The following LRTM1 variants were observed in gnomAD, a reference collection of about 807,000 sequenced individuals.
LRTM1 encodes leucine rich repeat transmembrane protein 1, also known as leucine-rich repeat and transmembrane domain-containing protein 1.
LRTM1 carries 38 observed loss-of-function variants against 32.4 expected under a neutral mutation model. The observed-to-expected ratio is 1.17, with a 90% confidence interval of 0.91 to 1.54. The LOEUF (loss-of-function observed/expected upper bound fraction) is 1.54. LRTM1 is among the 40% of genes most tolerant of loss of function. LRTM1 has a pLI of 0.00. For missense variants in LRTM1, 466 were observed against 415.4 expected, an observed-to-expected ratio of 1.12 and a Z score of -1.06; for synonymous variants, 186 against 169.9, an observed-to-expected ratio of 1.09 and a Z score of -0.74.
At chr3:54,921,477 AT>A (rs1488539462) in intron 2 of LRTM1, among the ~76,000 whole-genome samples, 2 of 152,162 alleles carry the variant, frequency 1.3e-5, no homozygotes, top group Non-Finnish European at 2.9e-5. Flanking sequence ...CTGTGTGCAT[AT>A]TTCTTTGGAG....
At chr3:54,919,102 A>G (rs565291830) in intron 2 of LRTM1, among the ~76,000 whole-genome samples, 35 of 152,256 alleles carry the variant, frequency 2.3e-4, no homozygotes, top group African/African-American at 7.2e-4. Flanking sequence ...TAAATTGGCA[A>G]TTACTTATGA....
Position 54,924,950 on chromosome 3 carries a change from A to G in LRTM1, c.273T>C (p.Pro91=), listed in dbSNP as rs370645097. 1 of 1,611,558 alleles carries G rather than the reference A, an allele frequency of 6.2e-7. No individual in the cohort carries two copies. Residue 91 remains proline, a synonymous_variant, in exon 2 of 3, where the codon CCT becomes CCC. Coordinates refer to ENST00000273286, the MANE Select transcript of LRTM1 (RefSeq NM_020678.4). ...LSNNSLSNLA[P]GAFHGLQHLQ... ...AGTGCTGAAGCCCATGGAAAGCTCC[A>G]GGGGCCAGATTTGAAAGGGAATTGT...
chr3:54,937,501 C>T (rs1186460494), intron 1 of LRTM1, among the ~76,000 whole-genome samples: 1 of 152,146 alleles, frequency 6.6e-6, no homozygotes, highest in Non-Finnish European at 1.5e-5. Flanking sequence ...TATGTATTTT[C>T]CAATCTGTGT....
intron 1 of LRTM1, among the ~76,000 whole-genome samples, chr3:54,964,201 C>T (rs139903675): frequency 1.6e-3 from 239 of 152,178 alleles, no homozygotes; most frequent in Middle Eastern, 3.4e-3. Context: ...TTTTCTGGAT[C>T]GGTTGTGTTC....
In LRTM1 at chr3:54,924,606, A is replaced by G. The variant is rs1033798949; in HGVS notation, c.604+13T>C. ...AACACACAGATGGGGGGTTCCAAAT[A>G]GACATGACTGACCTTTATAGACAAA... On this transcript the variant is annotated intron_variant, in intron 2 of 2. Coordinates refer to ENST00000273286, the MANE Select transcript of LRTM1 (RefSeq NM_020678.4). 1.3e-6 allele frequency: 2 copies of G among 1,597,758 alleles called. No individual in the cohort carries two copies. The highest frequency in any genetic ancestry group is 1.7e-6 in the Non-Finnish European group (2 of 1,166,218).
chr3:54,958,467 A>G (rs1375527515), intron 1 of LRTM1, among the ~76,000 whole-genome samples: 1 of 152,236 alleles, frequency 6.6e-6, no homozygotes, highest in Non-Finnish European at 1.5e-5. Flanking sequence ...CAACCTTGAT[A>G]GTCTTAGAAG....
chr3:54,945,018 C>G (rs976222909), intron 1 of LRTM1, among the ~76,000 whole-genome samples: 2 of 152,138 alleles, frequency 1.3e-5, no homozygotes, highest in Non-Finnish European at 2.9e-5. Flanking sequence ...TCAATGAAAA[C>G]TTAGCCAAAC....
chr3:54,959,367 G>A (rs1295415880), intron 1 of LRTM1, among the ~76,000 whole-genome samples: 2 of 152,168 alleles, frequency 1.3e-5, no homozygotes, highest in Non-Finnish European at 2.9e-5. Flanking sequence ...TGCCATCTCC[G>A]TGCCCTGTAA....
At chr3:54,925,324 CT>C (rs1700984215) in intron 1 of LRTM1, 109 bp from the exon 2 acceptor site, 6 of 848,654 alleles carry the variant, frequency 7.1e-6, no homozygotes, top group Non-Finnish European at 1.1e-5. Context: ...CAGGTGAAAC[CT>C]TCTACAACCT....
At chr3:54,956,043 G>A (rs556402586) in intron 1 of LRTM1, among the ~76,000 whole-genome samples, 4 of 152,270 alleles carry the variant, frequency 2.6e-5, no homozygotes, top group Admixed American at 2.0e-4. Flanking sequence ...AGTGCCGTCC[G>A]CCCCTCCTTA....
intron 2 of LRTM1, among the ~76,000 whole-genome samples, chr3:54,923,999 T>C (rs1217073426): frequency 6.6e-6 from 1 of 152,238 alleles, no homozygotes; most frequent in Non-Finnish European, 1.5e-5. Context: ...GCTGTGGCCC[T>C]GGGGCTGTAG....
At chr3:54,925,651 C>T (rs1245192098) in intron 1 of LRTM1, among the ~76,000 whole-genome samples, 1 of 152,204 alleles carries the variant, frequency 6.6e-6, no homozygotes, top group Non-Finnish European at 1.5e-5. Context: ...CTGTCTAATA[C>T]AACTTTCTGT....
At chr3:54,929,117 G>C (rs1701113970), upstream of LRTM1, among the ~76,000 whole-genome samples, 1 of 152,276 alleles carries the variant, frequency 6.6e-6, no homozygotes, top group East Asian at 1.9e-4. Context: ...TCTGGAATCA[G>C]GTGGGTCCAG....
chr3:54,933,035 C>G (rs1701231582), upstream of LRTM1, among the ~76,000 whole-genome samples: 1 of 135,954 alleles, frequency 7.4e-6, no homozygotes, highest in African/African-American at 3.6e-5. Context: ...ATATTGTCTT[C>G]CATCCATCCA....
intron 1 of LRTM1, among the ~76,000 whole-genome samples, chr3:54,966,045 C>A (rs1702142289): frequency 6.6e-6 from 1 of 152,044 alleles, no homozygotes; most frequent in African/African-American, 2.4e-5. Context: ...TGAGAACAGA[C>A]TGCAAGTATG....
intron 1 of LRTM1, among the ~76,000 whole-genome samples, chr3:54,960,327 A>G (rs1702001074): frequency 6.6e-6 from 1 of 152,178 alleles, no homozygotes. Flanking sequence ...AAAAGCATGT[A>G]TAAGAAAGAT....
rs1248778634 is a variant in LRTM1, at chr3:54,924,753, T to C, written c.470A>G (p.Gln157Arg). 6.2e-7 allele frequency: 1 copy of C among 1,614,030 alleles called. No individual in the cohort carries two copies. The highest frequency in any genetic ancestry group is 8.5e-7 in the Non-Finnish European group (1 of 1,180,022). ...GAGCGCTCGATCAAGCTGCTGAAGCTGGTTTTGTTGAACCGCAAGTATAGT... is the reference window on the plus strand; with the variant it reads ...GAGCGCTCGATCAAGCTGCTGAAGCCGGTTTTGTTGAACCGCAAGTATAGT... ...NLTILAVQQN[Q>R]LQQLDRALLE... The change falls in exon 2 of 3, where the codon CAG becomes CGG. Residue 157 changes from glutamine (Q) to arginine (R), a missense_variant. Physicochemically the swap from Gln to Arg is conservative, Grantham distance 43. Coordinates refer to ENST00000273286, the MANE Select transcript of LRTM1 (RefSeq NM_020678.4).
Position 54,918,319 on chromosome 3 carries a change from ATCT to A in LRTM1, c.*137_*139del. 2 of 642,614 alleles carry A rather than the reference ATCT, an allele frequency of 3.1e-6. No individual in the cohort carries two copies. Among genetic ancestry groups the A allele is most frequent in the Non-Finnish European group, 4.7e-6 (2 of 428,362 alleles). The allele number at this position is 642,614 out of a possible 1,614,324, so 39.8% of individuals were successfully genotyped here. A position where few individuals can be genotyped will look rare whatever the true frequency, so the allele number is the denominator to read the frequency against. On this transcript the variant is annotated 3_prime_UTR_variant, in exon 3 of 3. Transcript: ENST00000273286. Reference sequence around the variant, plus strand: ...CCCCAGAAATATTTTTTACAGACACATCTTTTTTTTTTCTTTTTTTTTTTTTTT... The same window carrying A: ...CCCCAGAAATATTTTTTACAGACACATTTTTTTTTCTTTTTTTTTTTTTTT...
At position 54,947,818 on chromosome 3, in the gene LRTM1, G is replaced by C. The variant is rs562728524; in HGVS notation, c.-222+19110C>G. ...TAATCATTGCAATGTTTGGGGATGT[G>C]GGTCAGGAAGCATCCATGTAAATGG... On this transcript the variant is annotated intron_variant, in intron 1 of 2. Transcript: ENST00000493075. Among the ~76,000 whole-genome samples the C allele has an allele frequency of 5.3e-5, 8 of 152,238 alleles. No homozygotes were observed. The South Asian group carries it at 1.7e-3, about 32-fold the overall frequency.
Sources: gnomAD v4.1 joint callset for allele counts (sites outside exome capture counted in the v4.1 genomes callset) on GRCh38, gnomAD v4.1.1 for gene constraint, MANE v1.5 for transcripts, NCBI Gene and HGNC (gene_info 2026-07-23, HGNC 2026-07-21) for gene names.